The following CNTN4 variants were observed in gnomAD, a reference collection of about 807,000 sequenced individuals.
The protein encoded by CNTN4 is contactin 4, also known as contactin-4.
CNTN4 carries 77 observed loss-of-function variants against 122.5 expected under a neutral mutation model. The observed-to-expected ratio is 0.63, with a 90% CI of 0.52 to 0.76. The LOEUF (loss-of-function observed/expected upper bound fraction) is 0.76. Among genes scored for constraint, CNTN4 ranks in the 30% least tolerant of loss-of-function variants. The probability of loss-of-function intolerance (pLI) is 0.00; values close to 1 mark genes in which losing one functional copy is unlikely to be tolerated. For synonymous variants in CNTN4, 512 were observed against 447.0 expected, an observed-to-expected ratio of 1.15 and a Z score of -1.83; for missense variants, 1,256 against 1,259.1, an observed-to-expected ratio of 1.00 and a Z score of 0.04.
intron 4 of CNTN4, among the ~76,000 whole-genome samples, chr3:2,669,065 G>T (rs1252289171): frequency 6.6e-6 from 1 of 152,018 alleles, no homozygotes; most frequent in South Asian, 2.1e-4. Flanking sequence ...TTTTTGTTGT[G>T]TCTCTGCCAG....
At chr3:2,971,745 C>T (rs1223161613) in intron 13 of CNTN4, among the ~76,000 whole-genome samples, 1 of 152,162 alleles carries the variant, frequency 6.6e-6, no homozygotes, top group African/African-American at 2.4e-5. Flanking sequence ...CTTCTAGTGA[C>T]TTTTAAGATT....
At chr3:2,476,649 A>G (rs991315362) in intron 3 of CNTN4, among the ~76,000 whole-genome samples, 1 of 152,188 alleles carries the variant, frequency 6.6e-6, no homozygotes, top group Non-Finnish European at 1.5e-5. Context: ...GCCTGGGACT[A>G]TAGATGTGCG....
At chr3:2,938,587 C>T (rs532159096) in intron 13 of CNTN4, among the ~76,000 whole-genome samples, 1 of 152,208 alleles carries the variant, frequency 6.6e-6, no homozygotes, top group South Asian at 2.1e-4. Context: ...CTAGATGCTT[C>T]TTTCTAAGCT....
intron 2 of CNTN4, among the ~76,000 whole-genome samples, chr3:2,148,512 G>A (rs1465023894): frequency 6.6e-6 from 1 of 151,270 alleles, no homozygotes; most frequent in Non-Finnish European, 1.5e-5. Context: ...CAGCCTGGGT[G>A]ACAGAGCGAG....
At chr3:2,394,369 T>C (rs984107595) in intron 3 of CNTN4, among the ~76,000 whole-genome samples, 5 of 152,278 alleles carry the variant, frequency 3.3e-5, no homozygotes, top group East Asian at 1.9e-4. Context: ...TTGAGACTTA[T>C]GTGGAAAATC....
chr3:2,670,784 G>C (rs1576406647), intron 4 of CNTN4, among the ~76,000 whole-genome samples: 1 of 152,214 alleles, frequency 6.6e-6, no homozygotes, highest in South Asian at 2.1e-4. Context: ...TTTAGGACAG[G>C]CCTGGTGGTG....
intron 2 of CNTN4, among the ~76,000 whole-genome samples, chr3:2,137,762 G>A (rs1204093149): frequency 6.6e-6 from 1 of 152,220 alleles, no homozygotes. Flanking sequence ...AGGGCAGTCA[G>A]TCTTGGAAGA....
rs540635444 is a variant in CNTN4 at position 2,823,033 on chromosome 3, A to G, written c.454+3452A>G. Among the ~76,000 whole-genome samples the G allele has an allele frequency of 3.9e-5, 6 of 152,356 alleles. No individual in the cohort carries two copies. In the East Asian group the frequency reaches 1.2e-3, roughly 29 times the overall value. ...TTATAAAAGAGCATCTCAGACATCC[A>G]TCAGTTTTGGACAAGGGAAACAATG... On this transcript the variant is annotated intron_variant, in intron 7 of 24. Coordinates refer to ENST00000418658, the MANE Select transcript of CNTN4 (RefSeq NM_175607.3).
intron 3 of CNTN4, among the ~76,000 whole-genome samples, chr3:2,400,203 G>C (rs113962052): frequency 6.6e-6 from 1 of 151,524 alleles, no homozygotes; most frequent in Non-Finnish European, 1.5e-5. Context: ...ACCCTACCAC[G>C]AAATAATATT....
At chr3:2,855,478 G>C (rs1013271301) in intron 7 of CNTN4, among the ~76,000 whole-genome samples, 4 of 152,206 alleles carry the variant, frequency 2.6e-5, no homozygotes, top group Admixed American at 6.5e-5. Flanking sequence ...GGATATAAAA[G>C]TGTTTTGAAA....
intron 2 of CNTN4, among the ~76,000 whole-genome samples, chr3:2,121,083 C>T (rs1423584076): frequency 7.2e-6 from 1 of 138,948 alleles, no homozygotes; most frequent in East Asian, 2.0e-4. Flanking sequence ...TTCCTCCCTC[C>T]CTTCCTTCCC....
At chr3:2,917,085 C>T (rs1306942099) in intron 12 of CNTN4, among the ~76,000 whole-genome samples, 2 of 127,954 alleles carry the variant, frequency 1.6e-5, no homozygotes, top group African/African-American at 3.0e-5. Flanking sequence ...GGATCACTCG[C>T]GGTTAGGAGC....
chr3:2,498,901 T>C lies in CNTN4; in HGVS notation c.-88-72515T>C, dbSNP rs538640169. Among the ~76,000 whole-genome samples, 3 of 152,216 alleles carry C rather than the reference T, an allele frequency of 2.0e-5. No individual in the cohort carries two copies. The South Asian group carries it at 6.2e-4, about 32-fold the overall frequency. ...ACCTCCCAGGTTCAAGTGATTCTCC[T>C]GCCTCAGCTTCCCAAGTAGCTGGGA... On this transcript the variant is annotated intron_variant, in intron 3 of 24. Coordinates refer to ENST00000418658, the MANE Select transcript of CNTN4 (RefSeq NM_175607.3).
chr3:2,760,948 T>A (rs1224325065), intron 6 of CNTN4, among the ~76,000 whole-genome samples: 1 of 152,154 alleles, frequency 6.6e-6, no homozygotes, highest in Non-Finnish European at 1.5e-5. Flanking sequence ...CCAGGCACAA[T>A]CTAAATCCAT....
At chr3:2,963,035 C>T (rs960931252) in intron 13 of CNTN4, among the ~76,000 whole-genome samples, 7 of 152,018 alleles carry the variant, frequency 4.6e-5, no homozygotes, top group Non-Finnish European at 1.0e-4. Flanking sequence ...TTCTGGATGC[C>T]GTATATCTAT....
At chr3:2,559,317 T>C (rs1197690713) in intron 3 of CNTN4, among the ~76,000 whole-genome samples, 1 of 152,168 alleles carries the variant, frequency 6.6e-6, no homozygotes, top group African/African-American at 2.4e-5. Flanking sequence ...TTCTACTCTA[T>C]TTTTATTTTT....
chr3:2,669,628 C>T (rs1315372617), intron 4 of CNTN4, among the ~76,000 whole-genome samples: 1 of 152,102 alleles, frequency 6.6e-6, no homozygotes, highest in East Asian at 1.9e-4. Flanking sequence ...TTCTTGCCTT[C>T]TGCTAGGTTT....
At chr3:2,191,124 C>G (rs1199723729) in intron 2 of CNTN4, among the ~76,000 whole-genome samples, 5 of 152,004 alleles carry the variant, frequency 3.3e-5, no homozygotes, top group African/African-American at 1.2e-4. Context: ...GAGATGGGGT[C>G]TGTCTTGCTA....
At chr3:2,603,221 A>C (rs1576179417) in intron 4 of CNTN4, among the ~76,000 whole-genome samples, 1 of 152,176 alleles carries the variant, frequency 6.6e-6, no homozygotes, top group East Asian at 1.9e-4. Context: ...TTAAATAATA[A>C]ATGATTTTTC....
Sources: gnomAD v4.1 joint callset for allele counts (sites outside exome capture counted in the v4.1 genomes callset) on GRCh38, gnomAD v4.1.1 for gene constraint, MANE v1.5 for transcripts, NCBI Gene and HGNC (gene_info 2026-07-23, HGNC 2026-07-21) for gene names.